Variants in SOX5 observed in about 807,000 individuals in gnomAD.
SOX5 encodes the protein SRY-box transcription factor 5.
In SOX5, 9 loss-of-function variants were observed where a neutral mutation model predicts 92.0. The ratio of observed to expected loss-of-function variants is 0.10; its 90% CI spans 0.06 to 0.17. The LOEUF (loss-of-function observed/expected upper bound fraction) is 0.17. Among genes scored for constraint, SOX5 ranks in the 10% least tolerant of loss-of-function variants. SOX5 has a pLI of 1.00. For missense variants in SOX5, 642 were observed against 944.5 expected, an observed-to-expected ratio of 0.68 and a Z score of 4.20; for synonymous variants, 344 against 336.3, an observed-to-expected ratio of 1.02 and a Z score of -0.25.
intron 3 of SOX5, among the ~76,000 whole-genome samples, chr12:24,258,421 ACAT>A (rs994926035): frequency 6.6e-5 from 10 of 152,184 alleles, no homozygotes; most frequent in Non-Finnish European, 1.2e-4. Flanking sequence ...GTATTATAAA[ACAT>A]CATTATTATT....
intron 3 of SOX5, among the ~76,000 whole-genome samples, chr12:24,248,740 A>G (rs74750028): frequency 2.0e-5 from 3 of 151,594 alleles, no homozygotes; most frequent in South Asian, 2.1e-4. Context: ...TCTCTCCTTC[A>G]TGTTCATCCT....
chr12:24,046,386 G>A (rs922816052), intron 4 of SOX5, among the ~76,000 whole-genome samples: 1 of 152,082 alleles, frequency 6.6e-6, no homozygotes, highest in African/African-American at 2.4e-5. Context: ...ATGACACTGC[G>A]AAGTAATTTA....
intron 4 of SOX5, among the ~76,000 whole-genome samples, chr12:23,961,841 T>C (rs914190771): frequency 6.6e-6 from 1 of 152,220 alleles, no homozygotes; most frequent in African/African-American, 2.4e-5. Flanking sequence ...CCATAATCTG[T>C]TTCTCAAGAT....
At chr12:23,574,112 T>C (rs541802304) in intron 10 of SOX5, among the ~76,000 whole-genome samples, 1 of 151,838 alleles carries the variant, frequency 6.6e-6, no homozygotes, top group African/African-American at 2.4e-5. Flanking sequence ...TAGTTATCTA[T>C]ATTATAGTAT....
At chr12:23,744,240 T>G (rs903537965) in intron 4 of SOX5, among the ~76,000 whole-genome samples, 1 of 152,178 alleles carries the variant, frequency 6.6e-6, no homozygotes, top group Non-Finnish European at 1.5e-5. Context: ...TGCTTCAAAC[T>G]CTAAGAACTA....
At chr12:24,490,692 T>C (rs1039206501) in intron 1 of SOX5, among the ~76,000 whole-genome samples, 3 of 152,232 alleles carry the variant, frequency 2.0e-5, no homozygotes, top group Middle Eastern at 3.4e-3. Context: ...TTTAATGGTG[T>C]TGTGTGGGTG....
chr12:23,704,976 T>C (rs893716998), intron 6 of SOX5, among the ~76,000 whole-genome samples: 1 of 151,722 alleles, frequency 6.6e-6, no homozygotes, highest in African/African-American at 2.4e-5. Flanking sequence ...TACTTGAATA[T>C]TTCTGGGTTT....
rs1463629912 is a variant in SOX5, at chr12:24,270,474, C to CA, written c.-77+6741dup. Among the ~76,000 whole-genome samples, 7 of 152,206 alleles carry CA rather than the reference C, an allele frequency of 4.6e-5. No individual in the cohort carries two copies. The South Asian group carries it at 1.5e-3, about 32-fold the overall frequency. On this transcript the variant is annotated intron_variant, in intron 3 of 4. Coordinates refer to the SOX5 transcript ENST00000446891. ...CTCCCACTTAAAGCATAAAACACCA[C>CA]AAAAAAATTAATGAAATCTATCAAC...
intron 6 of SOX5, among the ~76,000 whole-genome samples, chr12:23,702,544 G>T (rs940801617): frequency 6.6e-6 from 1 of 152,006 alleles, no homozygotes; most frequent in Non-Finnish European, 1.5e-5. Flanking sequence ...TGATATCAAT[G>T]GGAATCCTGA....
At chr12:24,206,426 A>T (rs998007349) in intron 4 of SOX5, among the ~76,000 whole-genome samples, 1 of 152,194 alleles carries the variant, frequency 6.6e-6, no homozygotes, top group Non-Finnish European at 1.5e-5. Flanking sequence ...CAGACACTTA[A>T]GAGCCAGAAC....
rs148803633 is a variant in SOX5, at chr12:24,230,328, A to G, written c.-76-16911T>C. ...TCCTGTTTCTGAGAACAATGAGGACAATGATGGCAGAAATGAAATAGTGCA... is the reference window on the plus strand; with the variant it reads ...TCCTGTTTCTGAGAACAATGAGGACGATGATGGCAGAAATGAAATAGTGCA... On this transcript the variant is annotated intron_variant, in intron 3 of 4. Coordinates refer to the SOX5 transcript ENST00000446891. Among the ~76,000 whole-genome samples the G allele has an allele frequency of 5.3e-5, 8 of 152,314 alleles. No homozygotes were observed. In the East Asian group the frequency reaches 1.5e-3, roughly 29 times the overall value.
At chr12:24,549,431 G>C (rs757087460) in intron 1 of SOX5, among the ~76,000 whole-genome samples, 2 of 152,288 alleles carry the variant, frequency 1.3e-5, no homozygotes, top group South Asian at 2.1e-4. Context: ...AAAACAAAAA[G>C]AGAAAGCAAA....
intron 4 of SOX5, among the ~76,000 whole-genome samples, chr12:24,137,625 C>T (rs1322955922): frequency 3.9e-5 from 6 of 151,902 alleles, no homozygotes; most frequent in Non-Finnish European, 7.4e-5. Flanking sequence ...AGGGAGACTC[C>T]GTCTCAAAAA....
chr12:23,550,673 GT>G (rs1944024852), intron 11 of SOX5, among the ~76,000 whole-genome samples: 1 of 151,616 alleles, frequency 6.6e-6, no homozygotes, highest in South Asian at 2.1e-4. Flanking sequence ...TTCAATCATT[GT>G]TTTTTATTTC....
intron 4 of SOX5, among the ~76,000 whole-genome samples, chr12:24,095,116 CACACACACACACAGAGAGAG>C (rs1328500053): frequency 4.2e-5 from 4 of 94,766 alleles, no homozygotes; most frequent in Admixed American, 1.3e-4. Context: ...CACACACACA[CACACACACACACAGAGAGAG>C]AGAGAGAGAG....
At chr12:23,972,309 C>T (rs111674699) in intron 4 of SOX5, among the ~76,000 whole-genome samples, 4,391 of 152,174 alleles carry the variant, frequency 0.029, 91 homozygotes, top group Middle Eastern at 0.078. Context: ...ACTAAAATAT[C>T]CTGGTCAGAT....
chr12:24,143,614 G>T (rs1034867829), intron 4 of SOX5, among the ~76,000 whole-genome samples: 2 of 152,054 alleles, frequency 1.3e-5, no homozygotes, highest in African/African-American at 4.8e-5. Flanking sequence ...ATAATAACAG[G>T]TAAGACACTA....
chr12:24,353,921 G>A (rs1479363724), intron 2 of SOX5, among the ~76,000 whole-genome samples: 3 of 152,202 alleles, frequency 2.0e-5, no homozygotes, highest in East Asian at 1.9e-4. Flanking sequence ...TTACAGGCGT[G>A]AGCCACCACG....
At chr12:23,553,079 C>T (rs778279686) in intron 11 of SOX5, among the ~76,000 whole-genome samples, 5 of 151,878 alleles carry the variant, frequency 3.3e-5, no homozygotes, top group Non-Finnish European at 5.9e-5. Flanking sequence ...TATACTTTCT[C>T]TATTCATAAA....
Sources: gnomAD v4.1 joint callset for allele counts (sites outside exome capture counted in the v4.1 genomes callset) on GRCh38, gnomAD v4.1.1 for gene constraint, MANE v1.5 for transcripts, NCBI Gene and HGNC (gene_info 2026-07-23, HGNC 2026-07-21) for gene names.